The following CLU variants were observed in gnomAD, a reference collection of about 807,000 sequenced individuals.
The protein encoded by CLU is clusterin.
A neutral mutation model predicts 46.4 loss-of-function variants in CLU; 25 were observed. The ratio of observed to expected loss-of-function variants is 0.54; its 90% confidence interval spans 0.39 to 0.75. The LOEUF is 0.75. CLU is among the 30% of genes least tolerant of loss of function. The pLI, the probability that CLU is intolerant of heterozygous loss-of-function variation, is 0.00. For missense variants in CLU, 504 were observed against 592.1 expected, an observed-to-expected ratio of 0.85 and a Z score of 1.54; for synonymous variants, 235 against 235.1, an observed-to-expected ratio of 1.00 and a Z score of 0.00.
intron 3 of CLU, 105 bp downstream of exon 3, chr8:27,608,833 G>T: frequency 8.5e-7 from 1 of 1,181,090 alleles, no homozygotes; most frequent in Non-Finnish European, 1.3e-6. Flanking sequence ...AGCCTGGGAG[G>T]ACTGCGGGTC....
intron 8 of CLU, 94 bp downstream of exon 8, chr8:27,598,366 A>G: frequency 6.3e-7 from 1 of 1,597,178 alleles, no homozygotes; most frequent in Non-Finnish European, 8.6e-7. Context: ...AGTCGTTCCC[A>G]CCAGGCTATA....
chr8:27,612,524 C>T (rs1241216826), intron 1 of CLU, among the ~76,000 whole-genome samples: 6 of 152,130 alleles, frequency 3.9e-5, no homozygotes, highest in Non-Finnish European at 7.3e-5. Flanking sequence ...CACACAGAGG[C>T]CACCTGTGGT....
chr8:27,599,977 G>T lies in CLU; in HGVS notation c.967C>A (p.Leu323Met). The T allele has an allele frequency of 6.2e-7, 1 of 1,614,196 alleles. No homozygotes were observed. The highest frequency in any genetic ancestry group is 8.5e-7 in the Non-Finnish European group (1 of 1,180,030). The change falls in exon 7 of 9, where the codon CTG becomes ATG. Residue 323 changes from leucine to methionine, a missense_variant. Around this residue, in one of 3 missense-constraint regions of CLU, gnomAD observed 428 missense variants for 484.0 expected, o/e 0.88. Transcript: ENST00000316403. The surrounding 1 kb of genome is among the most constrained non-coding windows in gnomAD (Gnocchi z 4.0). ...AGGGATTCGTCGAGCTCCCGCCGCA[G>T]CTTAGCCTGGGAGGGGTTGTTGGTG... ...CSTNNPSQAK[L>M]RRELDESLQV...
In CLU at chr8:27,598,516, A is replaced by G. The variant is rs768927948; in HGVS notation, c.1284T>C (p.Pro428=). ...TVPVEVSRKN[P]KFMETVAEKA... ...TCTCCGCCACGGTCTCCATAAATTT[A>G]GGGTTCTTCCTGGAGACTTCTACAG... Residue 428 remains proline (P), a synonymous_variant, in exon 8 of 9, where the codon CCT becomes CCC. Transcript: ENST00000316403. 6.2e-7 allele frequency: 1 copy of G among 1,614,120 alleles called. No homozygotes were observed. Among genetic ancestry groups the G allele is most frequent in the Non-Finnish European group, 8.5e-7 (1 of 1,180,036 alleles).
At chr8:27,611,342 T>A (rs1800925973) in intron 1 of CLU, 1 of 456,146 alleles carries the variant, frequency 2.2e-6, no homozygotes, top group Non-Finnish European at 4.4e-6. Context: ...CCAGAGAAAG[T>A]CCCTTTGGAA....
At chr8:27,611,758 G>T (rs766892694) in intron 1 of CLU, 2 of 457,634 alleles carry the variant, frequency 4.4e-6, no homozygotes, top group Non-Finnish European at 8.8e-6. Flanking sequence ...AAGAGCCAGG[G>T]AGCAGCGTGG....
chr8:27,604,379 C>T lies in CLU; in HGVS notation c.846G>A (p.Arg282=), dbSNP rs1330798437. The T allele has an allele frequency of 6.2e-7, 1 of 1,614,070 alleles. No individual in the cohort carries two copies. The highest frequency in any genetic ancestry group is 8.5e-7 in the Non-Finnish European group (1 of 1,180,036). The change falls in exon 6 of 9, where the codon CGG becomes CGA. Residue 282 remains arginine (R), a synonymous_variant. Coordinates refer to ENST00000316403, the MANE Select transcript of CLU (RefSeq NM_001831.4). The part of the protein sequence containing the change: ...TEFIREGDDD[R]TVCREIRHNS... ...TGTGGCGGATCTCCCGGCACACAGT[C>T]CGGTCATCGTCGCCTTCTGGGGACA...
At position 27,600,003 on chromosome 8, in the gene CLU, G is replaced by A; in HGVS notation, c.941C>T (p.Ser314Phe). Residue 314 changes from serine (S) to phenylalanine (F), a missense_variant, in exon 7 of 9, where the codon TCC becomes TTC. Coordinates refer to ENST00000316403, the MANE Select transcript of CLU (RefSeq NM_001831.4). Reference sequence around the variant, plus strand: ...CTTAGCCTGGGAGGGGTTGTTGGTGGAACAGTCTGCCCAGAGATGGAAGAA... The same window carrying A: ...CTTAGCCTGGGAGGGGTTGTTGGTGAAACAGTCTGCCCAGAGATGGAAGAA... ...KCREILSVDC[S>F]TNNPSQAKLR... 2 of 1,613,708 alleles carry A rather than the reference G, an allele frequency of 1.2e-6. No individual in the cohort carries two copies. Among genetic ancestry groups the A allele is most frequent in the Non-Finnish European group, 1.7e-6 (2 of 1,179,650 alleles).
chr8:27,603,307 T>C (rs570246046), intron 6 of CLU, among the ~76,000 whole-genome samples: 1 of 152,366 alleles, frequency 6.6e-6, no homozygotes, highest in South Asian at 2.1e-4. Context: ...CAGCAACTTA[T>C]ACTTCAGCCT....
Position 27,599,971 on chromosome 8 carries a change from G to A in CLU, c.973C>T (p.Arg325Trp), listed in dbSNP as rs751321668. Residue 325 changes from arginine to tryptophan, a missense_variant, in exon 7 of 9, where the codon CGG (arginine) becomes TGG (tryptophan). Physicochemically the swap from Arg to Trp is moderately radical, Grantham distance 101. Transcript: ENST00000316403. This position sits in a 1 kb window ranked among gnomAD's most constrained non-coding sequence, Gnocchi z 4.0. ...TNNPSQAKLR[R>W]ELDESLQVAE... ...ACCTGGAGGGATTCGTCGAGCTCCC[G>A]CCGCAGCTTAGCCTGGGAGGGGTTG... 1.2e-5 allele frequency: 20 copies of A among 1,614,152 alleles called. No homozygotes were observed. The highest frequency in any genetic ancestry group is 7.7e-5 in the South Asian group (7 of 91,084).
rs369037481 is a variant in CLU, at chr8:27,606,368, G to C, written c.403C>G (p.Leu135Val). The C allele has an allele frequency of 6.2e-6, 10 of 1,613,992 alleles. No individual in the cohort carries two copies. The African/African-American group carries it at 9.3e-5, about 15-fold the overall frequency. The change falls in exon 4 of 9, where the codon CTG becomes GTG. Residue 135 changes from leucine (L) to valine (V), a missense_variant. By Grantham distance (32) the Leu-to-Val change is conservative. Coordinates refer to ENST00000316403, the MANE Select transcript of CLU (RefSeq NM_001831.4). ...YARVCRSGSG[L>V]VGRQLEEFLN... ...CCCCTTTTCACCTGGCGGCCAACCA[G>C]GCCTGAGCCACTTCTGCAGACGCGT...
chr8:27,604,199 C>T (rs1367928330), intron 6 of CLU, 92 bp downstream of exon 6: 1 of 995,882 alleles, frequency 1.0e-6, no homozygotes, highest in African/African-American at 1.6e-5. Context: ...GCTTATCTGT[C>T]TGACTCCATA....
intron 6 of CLU, among the ~76,000 whole-genome samples, chr8:27,602,819 C>G (rs1800745358): frequency 6.6e-6 from 1 of 152,128 alleles, no homozygotes; most frequent in South Asian, 2.1e-4. Flanking sequence ...AATCCCAGAA[C>G]TTTGGGAGGC....
chr8:27,601,733 A>G (rs556600511), intron 6 of CLU, among the ~76,000 whole-genome samples: 1 of 152,350 alleles, frequency 6.6e-6, no homozygotes, highest in East Asian at 1.9e-4. Context: ...AAGAAACAGA[A>G]TTACTAACAA....
In CLU at chr8:27,597,311, C is replaced by T. The variant is rs970129984; in HGVS notation, c.*930G>A. On this transcript the variant is annotated 3_prime_UTR_variant, in exon 9 of 9. Coordinates refer to ENST00000316403, the MANE Select transcript of CLU (RefSeq NM_001831.4). ...AGCTTTAAGACTGAGATTGGTACCACGGGTAGTCATGGCCACCTGCTGGCA... is the reference window on the plus strand; with the variant it reads ...AGCTTTAAGACTGAGATTGGTACCATGGGTAGTCATGGCCACCTGCTGGCA... 3 of 454,446 alleles carry T rather than the reference C, an allele frequency of 6.6e-6. No individual in the cohort carries two copies. Among genetic ancestry groups the T allele is most frequent in the Middle Eastern group, 6.9e-4 (1 of 1,444 alleles). The allele number at this position is 454,446 out of a possible 1,614,324, so 28.2% of individuals were successfully genotyped here.
rs997336585 is a variant in CLU, at chr8:27,597,201, G to A, written c.*1040C>T. The A allele has an allele frequency of 8.8e-6, 4 of 454,148 alleles. No homozygotes were observed. Among genetic ancestry groups the A allele is most frequent in the African/African-American group, 8.0e-5 (4 of 49,992 alleles). The allele number at this position is 454,148 out of a possible 1,614,324, so 28.1% of individuals were successfully genotyped here. Reference sequence around the variant, plus strand: ...ACATGTGGACTTTGCTACACACCTGGGATGCAGCCAGATGAGTTTTGTTCC... The same window carrying A: ...ACATGTGGACTTTGCTACACACCTGAGATGCAGCCAGATGAGTTTTGTTCC... On this transcript the variant is annotated 3_prime_UTR_variant, in exon 9 of 9. Coordinates refer to ENST00000316403, the MANE Select transcript of CLU (RefSeq NM_001831.4).
At chr8:27,608,067 A>G (rs781484054) in intron 3 of CLU, among the ~76,000 whole-genome samples, 2 of 152,200 alleles carry the variant, frequency 1.3e-5, no homozygotes, top group Non-Finnish European at 2.9e-5. Context: ...TTCTCATAGA[A>G]TGGTGAGAAC....
intron 3 of CLU, among the ~76,000 whole-genome samples, 157 bp from the exon 4 acceptor site, chr8:27,606,681 C>T (rs1800828341): frequency 6.6e-6 from 1 of 152,216 alleles, no homozygotes. Flanking sequence ...TTCAAGCTTC[C>T]CCTCATTCGC....
Position 27,597,825 on chromosome 8 carries a change from C to T in CLU, c.*416G>A, listed in dbSNP as rs1283486471. 1 of 466,160 alleles carries T rather than the reference C, an allele frequency of 2.1e-6. No individual in the cohort carries two copies. Among genetic ancestry groups the T allele is most frequent in the East Asian group, 6.6e-5 (1 of 15,170 alleles). 28.9% of individuals were successfully genotyped at this position (466,160 alleles called of 1,614,324 possible). ...AGTGGATCAACCTTGTCATCATATCCCTTTTATTCTTCACCCTTTTATTCT... is the reference window on the plus strand; with the variant it reads ...AGTGGATCAACCTTGTCATCATATCTCTTTTATTCTTCACCCTTTTATTCT... On this transcript the variant is annotated 3_prime_UTR_variant, in exon 9 of 9. Transcript: ENST00000316403.
Sources: allele counts gnomAD v4.1 joint callset (sites outside exome capture counted in the v4.1 genomes callset), GRCh38; gene constraint gnomAD v4.1.1; regional missense constraint gnomAD v4.1.1; non-coding constraint Gnocchi (gnomAD v3.1); transcripts MANE v1.5; gene names NCBI Gene and HGNC (gene_info 2026-07-23, HGNC 2026-07-21).